Variants in OR3A1 observed in about 807,000 individuals in gnomAD.
OR3A1 encodes the protein olfactory receptor 3A1.
For missense variants in OR3A1, 402 were observed against 393.8 expected (o/e 1.02, Z -0.18); for synonymous variants, 145 against 160.0 (o/e 0.91, Z 0.71).
chr17:3,295,624 T>C (rs1259553282), intron 1 of OR3A1, among the ~76,000 whole-genome samples: 1 of 151,678 alleles, frequency 6.6e-6, no homozygotes, highest in Non-Finnish European at 1.5e-5. Context: ...TGGGCCAAGC[T>C]CATCTAGTAA....
Position 3,291,586 on chromosome 17 carries a change from CT to C in OR3A1, c.*48del. 1 of 1,458,396 alleles carries C rather than the reference CT, an allele frequency of 6.9e-7. No individual in the cohort carries two copies. 90.3% of individuals were successfully genotyped at this position (1,458,396 alleles called of 1,614,324 possible). On this transcript the variant is annotated 3_prime_UTR_variant, in exon 2 of 2. Transcript: ENST00000323404. ...TTTCCTAGTTTCTGGCTCTAGAAGA[CT>C]TTTCCTTTAGTACAAGACACAGGGA...
chr17:3,294,882 G>A (rs1479915557), intron 1 of OR3A1, among the ~76,000 whole-genome samples: 2 of 152,060 alleles, frequency 1.3e-5, no homozygotes, highest in Admixed American at 1.3e-4. Flanking sequence ...AGTTAAGTTG[G>A]CAATCTGAGA....
chr17:3,297,880 G>T (rs531189073), intron 1 of OR3A1, among the ~76,000 whole-genome samples: 149 of 152,160 alleles, frequency 9.8e-4, no homozygotes, highest in Non-Finnish European at 1.8e-3. Context: ...AGATTGATAC[G>T]ATTTAAGGGA....
Position 3,292,391 on chromosome 17 carries a change from G to T in OR3A1, c.192C>A (p.Phe64Leu), listed in dbSNP as rs1752648039. The T allele has an allele frequency of 1.9e-6, 3 of 1,614,118 alleles. No individual in the cohort carries two copies. The highest frequency in any genetic ancestry group is 2.5e-6 in the Non-Finnish European group (3 of 1,179,988). ...VEPKLHTPMY[F>L]FLGNLSVLDV... ...CCAGCACTGATAGGTTCCCCAGGAAGAAGTACATGGGGGTGTGGAGTTTGG... is the reference window on the plus strand; with the variant it reads ...CCAGCACTGATAGGTTCCCCAGGAATAAGTACATGGGGGTGTGGAGTTTGG... Residue 64 changes from phenylalanine (F) to leucine (L), a missense_variant, in exon 2 of 2, where the codon TTC (phenylalanine) becomes TTA (leucine). Phe to Leu is a conservative substitution (Grantham distance 22, BLOSUM62 0). Transcript: ENST00000323404.
Position 3,291,651 on chromosome 17 carries a change from C to G in OR3A1, c.932G>C (p.Arg311Thr). 1 of 1,599,142 alleles carries G rather than the reference C, an allele frequency of 6.3e-7. No individual in the cohort carries two copies. Among genetic ancestry groups the G allele is most frequent in the Non-Finnish European group, 8.6e-7 (1 of 1,168,090 alleles). Residue 311 changes from arginine (R) to threonine (T), a missense_variant, in exon 2 of 2, where the codon AGG (arginine) becomes ACG (threonine). By Grantham distance (71) the Arg-to-Thr change is moderately conservative. Transcript: ENST00000323404. ...GAGACCTCCTCAAGCCAGTGACCGC[C>G]TCCCTGTGAGCATCCTCCAGATGGC... ...QSAIWRMLTG[R>T]RSLA
At chr17:3,297,016 G>T (rs2150624350) in intron 1 of OR3A1, among the ~76,000 whole-genome samples, 1 of 152,140 alleles carries the variant, frequency 6.6e-6, no homozygotes, top group African/African-American at 2.4e-5. Context: ...GCCCCCTCTG[G>T]GCCCTGCAGA....
At chr17:3,293,769 T>A (rs1390132066) in intron 1 of OR3A1, among the ~76,000 whole-genome samples, 1 of 152,158 alleles carries the variant, frequency 6.6e-6, no homozygotes, top group African/African-American at 2.4e-5. Flanking sequence ...CGGAATACTA[T>A]GCAGCCATGA....
Position 3,292,356 on chromosome 17 carries a change from C to T in OR3A1, c.227G>A (p.Cys76Tyr), listed in dbSNP as rs867670908. The T allele has an allele frequency of 3.7e-6, 6 of 1,614,004 alleles. 1 individual carries two copies. The highest frequency in any genetic ancestry group is 3.3e-5 in the South Asian group (3 of 91,076). ...LGNLSVLDVGCISVTVPSMLS... is the reference protein window; with the variant it reads ...LGNLSVLDVGYISVTVPSMLS... ...CATTGATGGAACAGTGACGCTGATG[C>T]ACCCAACATCCAGCACTGATAGGTT... is the stretch of plus-strand genomic sequence containing the variant. Residue 76 changes from cysteine to tyrosine, a missense_variant, in exon 2 of 2, where the codon TGC (cysteine) becomes TAC (tyrosine). By Grantham distance (194) the Cys-to-Tyr change is radical (BLOSUM62 -2). Transcript: ENST00000323404.
intron 1 of OR3A1, among the ~76,000 whole-genome samples, chr17:3,293,123 T>G (rs1230658093): frequency 6.7e-6 from 1 of 150,184 alleles, no homozygotes; most frequent in Non-Finnish European, 1.5e-5. Context: ...AATCCATGAC[T>G]GTATAAGAGT....
chr17:3,296,319 TA>T (rs2048917775), intron 1 of OR3A1, among the ~76,000 whole-genome samples: 2 of 152,138 alleles, frequency 1.3e-5, no homozygotes, highest in Admixed American at 1.3e-4. Context: ...CAGCACATTT[TA>T]AAAAATGGAT....
rs369249133 is a variant in OR3A1 at position 3,292,034 on chromosome 17, G to T, written c.549C>A (p.Asp183Glu). The T allele has an allele frequency of 7.4e-6, 12 of 1,614,106 alleles. No homozygotes were observed. The African/African-American group carries it at 1.5e-4, about 20-fold the overall frequency. Residue 183 changes from aspartate to glutamate, a missense_variant, in exon 2 of 2, where the codon GAC becomes GAA. Asp to Glu is a conservative substitution (Grantham distance 45). Coordinates refer to ENST00000323404, the MANE Select transcript of OR3A1 (RefSeq NM_002550.3). Reference protein sequence around the residue: ...GPNVINHFYCDLPQLFQLSCS... With the variant: ...GPNVINHFYCELPQLFQLSCS... ...AGGAGAGCTGGAAGAGCTGTGGGAG[G>T]TCACAGTAGAAGTGATTGATCACAT...
At chr17:3,296,125 G>T (rs1291946504) in intron 1 of OR3A1, among the ~76,000 whole-genome samples, 1 of 152,012 alleles carries the variant, frequency 6.6e-6, no homozygotes, top group Non-Finnish European at 1.5e-5. Context: ...CAGAAATTCA[G>T]CAAACTTCAA....
intron 1 of OR3A1, among the ~76,000 whole-genome samples, chr17:3,294,257 T>C (rs1455377707): frequency 1.3e-5 from 2 of 149,710 alleles, no homozygotes; most frequent in Non-Finnish European, 3.0e-5. Flanking sequence ...AGGGAAGGGA[T>C]TGCAAGAAAG....
chr17:3,293,602 G>T (rs780287724), intron 1 of OR3A1, among the ~76,000 whole-genome samples: 1 of 151,946 alleles, frequency 6.6e-6, no homozygotes, highest in Non-Finnish European at 1.5e-5. Flanking sequence ...GAAAAAAGAG[G>T]TAAATAAACA....
rs1286232666 is a variant in OR3A1, at chr17:3,292,387, G to T, written c.196C>A (p.Leu66Met). The T allele has an allele frequency of 6.2e-7, 1 of 1,614,078 alleles. No individual in the cohort carries two copies. The highest frequency in any genetic ancestry group is 8.5e-7 in the Non-Finnish European group (1 of 1,180,004). The change falls in exon 2 of 2, where the codon CTG becomes ATG. Residue 66 changes from leucine to methionine, a missense_variant. Coordinates refer to ENST00000323404, the MANE Select transcript of OR3A1 (RefSeq NM_002550.3). ...ACATCCAGCACTGATAGGTTCCCCAGGAAGAAGTACATGGGGGTGTGGAGT... is the reference window on the plus strand; with the variant it reads ...ACATCCAGCACTGATAGGTTCCCCATGAAGAAGTACATGGGGGTGTGGAGT... ...PKLHTPMYFF[L>M]GNLSVLDVGC...
At chr17:3,295,122 G>A (rs543435246) in intron 1 of OR3A1, among the ~76,000 whole-genome samples, 1 of 152,054 alleles carries the variant, frequency 6.6e-6, no homozygotes, top group Non-Finnish European at 1.5e-5. Context: ...AAGTGTAAAT[G>A]TTTTTAAAAT....
At chr17:3,294,021 G>A (rs1478643793) in intron 1 of OR3A1, among the ~76,000 whole-genome samples, 1 of 152,050 alleles carries the variant, frequency 6.6e-6, no homozygotes. Context: ...TAATACCTAG[G>A]TGATGGGGTG....
In OR3A1 at chr17:3,291,658, T is replaced by G. The variant is rs748437144; in HGVS notation, c.925A>C (p.Thr309Pro). The part of the protein sequence containing the change: ...DVQSAIWRML[T>P]GRRSLA ...CCTCAAGCCAGTGACCGCCTCCCTG[T>G]GAGCATCCTCCAGATGGCACTCTGC... The change falls in exon 2 of 2, where the codon ACA becomes CCA. Residue 309 changes from threonine (T) to proline (P), a missense_variant. Physicochemically the swap from Thr to Pro is conservative, Grantham distance 38 (BLOSUM62 -1). Transcript: ENST00000323404. 3 of 1,601,272 alleles carry G rather than the reference T, an allele frequency of 1.9e-6. No individual in the cohort carries two copies. In the South Asian group the frequency reaches 3.3e-5, roughly 18 times the overall value.
At chr17:3,295,707 G>A (rs909545238) in intron 1 of OR3A1, among the ~76,000 whole-genome samples, 1 of 151,878 alleles carries the variant, frequency 6.6e-6, no homozygotes, top group African/African-American at 2.4e-5. Context: ...CCAAAACCAA[G>A]TTAATTAGAA....
Sources: allele counts gnomAD v4.1 joint callset (sites outside exome capture counted in the v4.1 genomes callset), GRCh38; gene constraint gnomAD v4.1.1; transcripts MANE v1.5; gene names NCBI Gene and HGNC (gene_info 2026-07-23, HGNC 2026-07-21).